Variants in INTU observed in about 807,000 individuals in gnomAD.
The protein encoded by INTU is protein inturned.
Under a neutral mutation model 100.5 loss-of-function variants are expected in INTU, and 68 were observed. The ratio of observed to expected loss-of-function variants is 0.68; its 90% CI spans 0.56 to 0.83. INTU has a LOEUF of 0.83. Ranked by LOEUF, INTU falls within the 40% of genes least tolerant of loss-of-function variation. The probability of loss-of-function intolerance (pLI) is 0.00; values close to 1 mark genes in which losing one functional copy is unlikely to be tolerated. For synonymous variants in INTU, 357 were observed against 395.7 expected, an observed-to-expected ratio of 0.90 and a Z score of 1.16; for missense variants, 1,071 against 1,114.7, an observed-to-expected ratio of 0.96 and a Z score of 0.56.
At chr4:127,706,173 GAATA>G (rs1480629418) in intron 11 of INTU, among the ~76,000 whole-genome samples, 2 of 152,184 alleles carry the variant, frequency 1.3e-5, no homozygotes, top group African/African-American at 4.8e-5. Flanking sequence ...ATCAGAAACA[GAATA>G]AATATGCAAT....
intron 6 of INTU, among the ~76,000 whole-genome samples, chr4:127,676,592 AAAAAAAAAGAG>A (rs1729198076): frequency 6.7e-6 from 1 of 148,726 alleles, no homozygotes; most frequent in South Asian, 2.1e-4. Context: ...TCTCAAAAAA[AAAAAAAAAGAG>A]AGAGAGAGGT....
rs1328488360 is a variant in INTU at position 127,674,113 on chromosome 4, T to A, written c.1092-11T>A. On this transcript the variant is annotated splice_polypyrimidine_tract_variant and intron_variant, in intron 5 of 15. Transcript: ENST00000335251. Reference sequence around the variant, plus strand: ...GTATTCTAACCTTATTTTGAATATATTGTTTCTTAGTTCATCCCTCCTTTT... The same window carrying A: ...GTATTCTAACCTTATTTTGAATATAATGTTTCTTAGTTCATCCCTCCTTTT... 6.4e-7 allele frequency: 1 copy of A among 1,563,696 alleles called. No individual in the cohort carries two copies. The highest frequency in any genetic ancestry group is 8.8e-7 in the Non-Finnish European group (1 of 1,137,286).
intron 1 of INTU, among the ~76,000 whole-genome samples, chr4:127,643,113 C>T (rs1727405922): frequency 6.6e-6 from 1 of 152,126 alleles, no homozygotes; most frequent in Non-Finnish European, 1.5e-5. Flanking sequence ...AAATGGCATG[C>T]TTGTGTGGAT....
In INTU at chr4:127,674,191, C is replaced by T. The variant is rs1375261523; in HGVS notation, c.1159C>T (p.Leu387=). The T allele has an allele frequency of 6.2e-7, 1 of 1,611,062 alleles. No individual in the cohort carries two copies. Residue 387 remains leucine, a synonymous_variant, in exon 6 of 16, where the codon CTA becomes TTA. Transcript: ENST00000335251. ...TTGGAAAGAATCTGACAAGTTGTTG[C>T]TAATTGGCCTGCCTGCTGAAGAGTA... The part of the protein sequence containing the change: ...AYWKESDKLL[L]IGLPAEEVPL...
At chr4:127,666,729 T>C (rs890580655) in intron 4 of INTU, among the ~76,000 whole-genome samples, 1 of 152,198 alleles carries the variant, frequency 6.6e-6, no homozygotes, top group Non-Finnish European at 1.5e-5. Context: ...GTTCTGGCCA[T>C]GGATCTGGTT....
At chr4:127,647,286 G>A (rs1040289694) in intron 2 of INTU, among the ~76,000 whole-genome samples, 1 of 152,154 alleles carries the variant, frequency 6.6e-6, no homozygotes, top group African/African-American at 2.4e-5. Context: ...TCTAAAATGG[G>A]TCTTCTTGTA....
intron 6 of INTU, among the ~76,000 whole-genome samples, chr4:127,680,672 T>C (rs1025568466): frequency 1.4e-5 from 2 of 138,188 alleles, no homozygotes; most frequent in Non-Finnish European, 3.1e-5. Context: ...ACTGGAAGCA[T>C]TCCCTTTGAA....
intron 5 of INTU, among the ~76,000 whole-genome samples, chr4:127,671,043 T>G (rs948847466): frequency 6.6e-6 from 1 of 151,948 alleles, no homozygotes; most frequent in Non-Finnish European, 1.5e-5. Flanking sequence ...TCTTCTGGAC[T>G]TTGACCTAGG....
At chr4:127,689,469 T>C (rs1446831741) in intron 8 of INTU, among the ~76,000 whole-genome samples, 1 of 152,018 alleles carries the variant, frequency 6.6e-6, no homozygotes, top group Non-Finnish European at 1.5e-5. Flanking sequence ...GGACAACATA[T>C]GGAGACCCTA....
rs754416293 is a variant in INTU, at chr4:127,663,344, T to G, written c.769-37T>G. 6.6e-6 allele frequency: 10 copies of G among 1,516,142 alleles called. No individual in the cohort carries two copies. The South Asian group carries it at 1.2e-4, about 18-fold the overall frequency. The allele number at this position is 1,516,142 out of a possible 1,614,324, so 93.9% of individuals were successfully genotyped here. ...TGTGAAAACTGCAGCTGATTTTCCC[T>G]TGTCGAAAAGTCAACACATTGTTTT... On this transcript the variant is annotated intron_variant, in intron 3 of 15. Transcript: ENST00000335251.
intron 4 of INTU, among the ~76,000 whole-genome samples, chr4:127,667,830 A>G (rs1728761375): frequency 6.6e-6 from 1 of 152,094 alleles, no homozygotes; most frequent in South Asian, 2.1e-4. Flanking sequence ...AGCAATTTGC[A>G]TATATTGAAT....
intron 3 of INTU, among the ~76,000 whole-genome samples, chr4:127,661,519 C>G: frequency 6.6e-6 from 1 of 152,252 alleles, no homozygotes; most frequent in African/African-American, 2.4e-5. Context: ...CCAGCTTCAT[C>G]TCTGTGACAC....
intron 5 of INTU, 127 bp downstream of exon 5, chr4:127,669,281 T>C: frequency 2.1e-6 from 1 of 475,246 alleles, no homozygotes; most frequent in Non-Finnish European, 3.8e-6. Context: ...TTATATACAT[T>C]ATAGTCTATA....
chr4:127,688,713 G>A (rs894891733), intron 8 of INTU, among the ~76,000 whole-genome samples: 16 of 152,126 alleles, frequency 1.1e-4, no homozygotes, highest in Non-Finnish European at 1.9e-4. Flanking sequence ...GGAAATAATA[G>A]TCCCTACTTC....
intron 4 of INTU, among the ~76,000 whole-genome samples, chr4:127,667,184 T>C (rs887581968): frequency 2.6e-5 from 4 of 152,352 alleles, no homozygotes; most frequent in African/African-American, 9.6e-5. Flanking sequence ...TTTGTCATCC[T>C]TGCCTTTCTT....
intron 6 of INTU, chr4:127,676,175 C>T (rs916045409): frequency 6.5e-6 from 1 of 154,118 alleles, no homozygotes; most frequent in Non-Finnish European, 1.4e-5. Context: ...TGAGGGCACT[C>T]TTTAACCAGC....
intron 13 of INTU, among the ~76,000 whole-genome samples, chr4:127,710,046 T>A (rs1034170194): frequency 6.6e-6 from 1 of 152,112 alleles, no homozygotes; most frequent in Non-Finnish European, 1.5e-5. Flanking sequence ...TAACAAAAAC[T>A]ATTGCTCTGA....
chr4:127,643,450 C>T, intron 1 of INTU, 71 bp from the exon 2 acceptor site: 1 of 1,281,204 alleles, frequency 7.8e-7, no homozygotes, highest in South Asian at 1.6e-5. Context: ...CCCTCACCCC[C>T]ATGCCAGGAT....
At chr4:127,649,172 G>T (rs1727718996) in intron 2 of INTU, among the ~76,000 whole-genome samples, 1 of 152,022 alleles carries the variant, frequency 6.6e-6, no homozygotes, top group Non-Finnish European at 1.5e-5. Flanking sequence ...CCTAATAATG[G>T]GTTGCCTTAA....
Sources: allele counts gnomAD v4.1 joint callset (sites outside exome capture counted in the v4.1 genomes callset), GRCh38; gene constraint gnomAD v4.1.1; transcripts MANE v1.5; gene names NCBI Gene and HGNC (gene_info 2026-07-23, HGNC 2026-07-21).